Variants in NEK2 observed in about 807,000 individuals in gnomAD.
NEK2 encodes serine/threonine-protein kinase Nek2.
NEK2 carries 28 observed loss-of-function variants against 54.1 expected under a neutral mutation model. That is an observed-to-expected ratio of 0.52 (90% CI 0.38 to 0.71). The LOEUF (loss-of-function observed/expected upper bound fraction) is 0.71. Ranked by LOEUF, NEK2 falls within the 30% of genes least tolerant of loss-of-function variation. NEK2 has a pLI of 0.00. For synonymous variants in NEK2, 176 were observed against 193.1 expected (o/e 0.91, Z 0.73); for missense variants, 407 against 531.5 (o/e 0.77, Z 2.30).
At chr1:211,674,268 G>A (rs1571648903) in intron 2 of NEK2, 28 bp downstream of exon 2, 1 of 1,561,738 alleles carries the variant, frequency 6.4e-7, no homozygotes, top group East Asian at 2.3e-5. Flanking sequence ...ACCAATTTCA[G>A]CTTACATTTT....
chr1:211,664,669 C>T (rs1655120089), intron 7 of NEK2, among the ~76,000 whole-genome samples: 1 of 152,186 alleles, frequency 6.6e-6, no homozygotes, highest in Non-Finnish European at 1.5e-5. Flanking sequence ...TTCCAAGGGT[C>T]CTGTGACTTC....
intron 6 of NEK2, among the ~76,000 whole-genome samples, chr1:211,668,537 C>T (rs904655579): frequency 1.3e-5 from 2 of 152,036 alleles, no homozygotes; most frequent in African/African-American, 4.8e-5. Context: ...AATCCCAGCA[C>T]TTTGGGAGGT....
intron 4 of NEK2, 125 bp downstream of exon 4, chr1:211,671,077 C>T (rs1332104845): frequency 1.8e-5 from 13 of 705,954 alleles, no homozygotes; most frequent in Non-Finnish European, 2.5e-5. Flanking sequence ...TTAATTTTAC[C>T]CAGGGTACAA....
Position 211,667,821 on chromosome 1 carries a change from G to A in NEK2, c.986-590C>T, listed in dbSNP as rs1431722787. On this transcript the variant is annotated intron_variant, in intron 6 of 7. Coordinates refer to ENST00000366999, the MANE Select transcript of NEK2 (RefSeq NM_002497.4). ...AACACTTTGGGAGGCCGAGGCAGGT[G>A]GATCACCTGATGTCAGGAGTTCAAG... Among the ~76,000 whole-genome samples the A allele has an allele frequency of 2.6e-5, 4 of 152,138 alleles. No homozygotes were observed. In the South Asian group the frequency reaches 6.2e-4, roughly 24 times the overall value.
At chr1:211,659,296 TA>T (rs1654959740), downstream of NEK2, among the ~76,000 whole-genome samples, 1 of 152,156 alleles carries the variant, frequency 6.6e-6, no homozygotes, top group South Asian at 2.1e-4. Context: ...TGCATGGAGA[TA>T]GTCCATAAGA....
intron 7 of NEK2, among the ~76,000 whole-genome samples, chr1:211,666,189 G>C (rs1655172953): frequency 1.3e-5 from 2 of 152,196 alleles, no homozygotes; most frequent in Non-Finnish European, 2.9e-5. Flanking sequence ...AGAGTGAAGG[G>C]ACAATGCCAC....
At chr1:211,665,943 A>G (rs1429865337) in intron 7 of NEK2, among the ~76,000 whole-genome samples, 2 of 152,244 alleles carry the variant, frequency 1.3e-5, no homozygotes, top group East Asian at 1.9e-4. Context: ...GCTGTCCTAC[A>G]TGGAATAAGG....
At chr1:211,673,872 T>C in intron 2 of NEK2, 149 bp from the exon 3 acceptor site, 2 of 831,112 alleles carry the variant, frequency 2.4e-6, no homozygotes, top group South Asian at 4.2e-5. Context: ...TCACCCAGGC[T>C]GGAATGCAGT....
At position 211,671,304 on chromosome 1, in the gene NEK2, A is replaced by G. The variant is rs1558229613; in HGVS notation, c.556-20T>C. The G allele has an allele frequency of 6.5e-7, 1 of 1,533,992 alleles. No individual in the cohort carries two copies. The highest frequency in any genetic ancestry group is 9.0e-7 in the Non-Finnish European group (1 of 1,107,256). On this transcript the variant is annotated intron_variant, in intron 3 of 7. Transcript: ENST00000366999. ...TTGTTCCTATACAGGGAAAAAGGGT[A>G]AGAAAGTGGAAGGTGTTAAGAGTTT...
Position 211,671,127 on chromosome 1 carries a change from T to C in NEK2, c.638+75A>G. The C allele has an allele frequency of 2.5e-6, 3 of 1,190,178 alleles. No homozygotes were observed. In the East Asian group the frequency reaches 7.0e-5, roughly 28 times the overall value. 73.7% of individuals were successfully genotyped at this position (1,190,178 alleles called of 1,614,324 possible). ...AATATACTTTCGTTAGCACAGAGGC[T>C]CAAAAAACTGAACCCAGTGAAATGT... On this transcript the variant is annotated intron_variant, in intron 4 of 7. Coordinates refer to ENST00000366999, the MANE Select transcript of NEK2 (RefSeq NM_002497.4).
chr1:211,663,689 T>C, intron 7 of NEK2, 37 bp from the exon 8 acceptor site: 1 of 1,588,540 alleles, frequency 6.3e-7, no homozygotes, highest in Non-Finnish European at 8.6e-7. Context: ...CTGAGTTACT[T>C]GAACAGAGTT....
chr1:211,673,579 T>C lies in NEK2; in HGVS notation c.459A>G (p.Gln153=). The C allele has an allele frequency of 6.2e-7, 1 of 1,614,150 alleles. No individual in the cohort carries two copies. Among genetic ancestry groups the C allele is most frequent in the Non-Finnish European group, 8.5e-7 (1 of 1,179,974 alleles). Residue 153 remains glutamine, a synonymous_variant, in exon 3 of 8, where the codon CAA becomes CAG. Coordinates refer to ENST00000366999, the MANE Select transcript of NEK2 (RefSeq NM_002497.4). ...KPANVFLDGK[Q]NVKLGDFGLA... ...GCCCAAAGTCTCCAAGCTTGACGTT[T>C]TGCTTGCCATCCAGGAAAACATTGG... is the stretch of plus-strand genomic sequence containing the variant.
rs1655329493 is a variant in NEK2 at position 211,670,271 on chromosome 1, T to C, written c.765+10A>G. The C allele has an allele frequency of 4.4e-6, 7 of 1,606,830 alleles. No individual in the cohort carries two copies. Among genetic ancestry groups the C allele is most frequent in the Non-Finnish European group, 6.0e-6 (7 of 1,176,362 alleles). On this transcript the variant is annotated intron_variant, in intron 5 of 7. Transcript: ENST00000366999. ...TAGAAACAGACAATATATCATCTTA[T>C]CATCTTTACCTTTAAGTTTAACATC...
At chr1:211,669,633 A>G (rs1346409201) in intron 5 of NEK2, 1 of 372,192 alleles carries the variant, frequency 2.7e-6, no homozygotes, top group Non-Finnish European at 4.9e-6. Flanking sequence ...TAGCATTGCT[A>G]GGGTCTGTTT....
At chr1:211,665,251 T>C (rs1194154074) in intron 7 of NEK2, among the ~76,000 whole-genome samples, 1 of 152,182 alleles carries the variant, frequency 6.6e-6, no homozygotes, top group Non-Finnish European at 1.5e-5. Context: ...ACTGCTATGA[T>C]GCTTATCTTA....
At chr1:211,669,367 G>T (rs1299067629) in intron 5 of NEK2, 35 bp from the exon 6 acceptor site, 1 of 1,566,444 alleles carries the variant, frequency 6.4e-7, no homozygotes, top group Admixed American at 1.7e-5. Context: ...TAGTCAGATT[G>T]CATAACAGAA....
chr1:211,671,235 A>G lies in NEK2; in HGVS notation c.605T>C (p.Leu202Ser). 1 of 1,613,630 alleles carries G rather than the reference A, an allele frequency of 6.2e-7. No individual in the cohort carries two copies. The highest frequency in any genetic ancestry group is 8.5e-7 in the Non-Finnish European group (1 of 1,179,606). Residue 202 changes from leucine to serine, a missense_variant, in exon 4 of 8, where the codon TTG becomes TCG. Physicochemically the swap from Leu to Ser is moderately radical, Grantham distance 145 (BLOSUM62 -2). Transcript: ENST00000366999. ...ACATAACTCATACAGCAAGCAGCCCAATGACCAGATATCTGATTTCTCATT... is the reference window on the plus strand; with the variant it reads ...ACATAACTCATACAGCAAGCAGCCCGATGACCAGATATCTGATTTCTCATT... ...SYNEKSDIWS[L>S]GCLLYELCAL...
intron 7 of NEK2, chr1:211,666,670 G>A: frequency 4.0e-6 from 1 of 249,972 alleles, no homozygotes; most frequent in Non-Finnish European, 6.3e-6. Flanking sequence ...TTGGTGGCGG[G>A]TGTCTGTAGT....
At chr1:211,666,157 G>A (rs3820370) in intron 7 of NEK2, among the ~76,000 whole-genome samples, 43,756 of 152,074 alleles carry the variant, frequency 0.29, 6,670 homozygotes, top group African/African-American at 0.38. Context: ...TGGTATATAC[G>A]ATAACCACAT....
Sources: allele counts gnomAD v4.1 joint callset (sites outside exome capture counted in the v4.1 genomes callset), GRCh38; gene constraint gnomAD v4.1.1; transcripts MANE v1.5; gene names NCBI Gene and HGNC (gene_info 2026-07-23, HGNC 2026-07-21).